Variants in CEP43 observed in about 807,000 individuals in gnomAD.
CEP43 encodes the protein centrosomal protein 43, also known as FGFR1 oncogene partner.
In CEP43, 36 loss-of-function variants were observed where a neutral mutation model predicts 52.6. That is an observed-to-expected ratio of 0.68 (90% confidence interval 0.52 to 0.90). The LOEUF (loss-of-function observed/expected upper bound fraction) is 0.90, where lower values mean the gene tolerates loss of function less well. CEP43 is among the 40% of genes least tolerant of loss of function. The pLI is 0.00. For synonymous variants in CEP43, 192 were observed against 172.4 expected, an observed-to-expected ratio of 1.11 and a Z score of -0.89; for missense variants, 506 against 472.8, an observed-to-expected ratio of 1.07 and a Z score of -0.65.
intron 10 of CEP43, among the ~76,000 whole-genome samples, chr6:167,029,022 T>A (rs1285565523): frequency 6.6e-6 from 1 of 152,222 alleles, no homozygotes; most frequent in Non-Finnish European, 1.5e-5. Context: ...AGTCTATATT[T>A]TAGGGTTTGT....
In CEP43 at chr6:167,049,967, C is replaced by T. The variant is rs1293896718; in HGVS notation, c.*9989C>T. ...TTGCATTTGGAGCATGTCTTATGTGCACTTAAAAATATTAATATCTATTCT... is the reference window on the plus strand; with the variant it reads ...TTGCATTTGGAGCATGTCTTATGTGTACTTAAAAATATTAATATCTATTCT... On this transcript the variant is annotated 3_prime_UTR_variant, in exon 13 of 13. Transcript: ENST00000366847. 6.6e-6 allele frequency: 1 copy of T among 152,132 alleles called. No individual in the cohort carries two copies. The highest frequency in any genetic ancestry group is 2.4e-5 in the African/African-American group (1 of 41,412). The allele number at this position is 152,132 out of a possible 1,614,324, so 9.4% of individuals were successfully genotyped here.
rs1318157346 is a variant in CEP43, at chr6:167,041,262, A to G, written c.*1284A>G. 12 of 1,048,250 alleles carry G rather than the reference A, an allele frequency of 1.1e-5. No individual in the cohort carries two copies. Among genetic ancestry groups the G allele is most frequent in the Non-Finnish European group, 1.4e-5 (12 of 868,712 alleles). The allele number at this position is 1,048,250 out of a possible 1,614,324, so 64.9% of individuals were successfully genotyped here. ...TTACAGAAATTACTCCTTGGGCTCT[A>G]AAATGTAGAGGAAATGAAAATGTAA... On this transcript the variant is annotated 3_prime_UTR_variant, in exon 13 of 13. Transcript: ENST00000366847.
At chr6:167,001,744 G>A (rs1779741042) in intron 2 of CEP43, among the ~76,000 whole-genome samples, 1 of 152,108 alleles carries the variant, frequency 6.6e-6, no homozygotes, top group Non-Finnish European at 1.5e-5. Flanking sequence ...TGTATCTGAA[G>A]TGTCCCCAAG....
rs1259108778 is a variant in CEP43, at chr6:167,042,993, G to C, written c.*3015G>C. 6.6e-6 allele frequency: 1 copy of C among 152,310 alleles called. No homozygotes were observed. The highest frequency in any genetic ancestry group is 6.5e-5 in the Admixed American group (1 of 15,270). The allele number at this position is 152,310 out of a possible 1,614,324, so 9.4% of individuals were successfully genotyped here. ...GGAGAATGTGGTTTCTGGCTAGGCAGCTGGAACAATCTACAAAATCTGAGG... is the reference window on the plus strand; with the variant it reads ...GGAGAATGTGGTTTCTGGCTAGGCACCTGGAACAATCTACAAAATCTGAGG... On this transcript the variant is annotated 3_prime_UTR_variant, in exon 13 of 13. Transcript: ENST00000366847.
At chr6:167,039,541 C>G (rs568703150) in intron 12 of CEP43, among the ~76,000 whole-genome samples, 3 of 152,146 alleles carry the variant, frequency 2.0e-5, no homozygotes, top group African/African-American at 7.2e-5. Context: ...TTTTGCAATT[C>G]GGAATTGTGC....
rs1780126283 is a variant in CEP43 at position 167,017,363 on chromosome 6, C to G, written c.579+3796C>G. 2.0e-5 allele frequency among the ~76,000 whole-genome samples: 3 copies of G among 152,174 alleles called. No individual in the cohort carries two copies. The East Asian group carries it at 5.8e-4, about 29-fold the overall frequency. On this transcript the variant is annotated intron_variant, in intron 7 of 12. Transcript: ENST00000366847. ...ATAGCATTACATTTATTAGGTATTA[C>G]AAGTAATCTAGAGATGATTCAAAGC...
intron 5 of CEP43, among the ~76,000 whole-genome samples, chr6:167,008,257 C>T (rs1779899703): frequency 6.6e-6 from 1 of 151,986 alleles, no homozygotes; most frequent in African/African-American, 2.4e-5. Context: ...TATACTCTTT[C>T]CCCTTCCCCA....
intron 12 of CEP43, among the ~76,000 whole-genome samples, chr6:167,037,434 G>A (rs1212233218): frequency 6.6e-6 from 1 of 152,186 alleles, no homozygotes; most frequent in East Asian, 1.9e-4. Context: ...GAAAATTACA[G>A]TTCCAAGGTA....
chr6:167,051,982 T>G lies in CEP43; in HGVS notation c.*12004T>G, dbSNP rs1044350700. ...AATTTTAATTTTTGTTTTCTATATGTCTCGTGTTTTTGTGGCTTTGCTTCT... is the reference window on the plus strand; with the variant it reads ...AATTTTAATTTTTGTTTTCTATATGGCTCGTGTTTTTGTGGCTTTGCTTCT... On this transcript the variant is annotated 3_prime_UTR_variant, in exon 13 of 13. Coordinates refer to ENST00000366847, the MANE Select transcript of CEP43 (RefSeq NM_007045.4). 4 of 152,178 alleles carry G rather than the reference T, an allele frequency of 2.6e-5. No individual in the cohort carries two copies. Among genetic ancestry groups the G allele is most frequent in the African/African-American group, 9.6e-5 (4 of 41,460 alleles). The allele number at this position is 152,178 out of a possible 1,614,324, so 9.4% of individuals were successfully genotyped here.
chr6:167,014,684 C>G (rs1056268496), intron 7 of CEP43, among the ~76,000 whole-genome samples: 1 of 152,094 alleles, frequency 6.6e-6, no homozygotes, highest in Non-Finnish European at 1.5e-5. Context: ...ACTGTATTCT[C>G]TTTCTGTTCA....
intron 10 of CEP43, among the ~76,000 whole-genome samples, chr6:167,029,747 G>A (rs1780427993): frequency 6.6e-6 from 1 of 152,236 alleles, no homozygotes. Flanking sequence ...CAACATGGCT[G>A]TTTATTTCAC....
Position 167,015,174 on chromosome 6 carries a change from C to G in CEP43, c.579+1607C>G, listed in dbSNP as rs138472226. 5.9e-5 allele frequency among the ~76,000 whole-genome samples: 9 copies of G among 152,294 alleles called. No homozygotes were observed. The South Asian group carries it at 8.3e-4, about 14-fold the overall frequency. On this transcript the variant is annotated intron_variant, in intron 7 of 12. Coordinates refer to ENST00000366847, the MANE Select transcript of CEP43 (RefSeq NM_007045.4). ...GAAGAATCTAGGTGGGCCCATATCC[C>G]AGGATTTAGTCCATAATTTGGGTCT...
intron 12 of CEP43, among the ~76,000 whole-genome samples, chr6:167,035,371 A>T (rs1780561679): frequency 6.6e-6 from 1 of 152,068 alleles, no homozygotes; most frequent in Admixed American, 6.5e-5. Context: ...CAATCTGGTC[A>T]CCTTTCAGCC....
chr6:166,999,582 C>A, intron 1 of CEP43, 68 bp downstream of exon 1: 4 of 1,184,156 alleles, frequency 3.4e-6, no homozygotes, highest in Non-Finnish European at 4.4e-6. Context: ...GGCGTCACAA[C>A]GGTCGCGGCG....
intron 5 of CEP43, among the ~76,000 whole-genome samples, chr6:167,006,650 T>C (rs1340545639): frequency 6.6e-6 from 1 of 152,260 alleles, no homozygotes; most frequent in Non-Finnish European, 1.5e-5. Context: ...TATGCAAATA[T>C]GTCATTTCAC....
rs61698763 is a variant in CEP43, at chr6:167,050,781, G to GAAAAAAAAAAAAA, written c.*10814_*10826dup. On this transcript the variant is annotated 3_prime_UTR_variant, in exon 13 of 13. Coordinates refer to ENST00000366847, the MANE Select transcript of CEP43 (RefSeq NM_007045.4). ...GGGTGACAGAGTGAGACTCAAAAAAGAAAAAAAAAAAAAAAAAAAAAAAGA... is the reference window on the plus strand; with the variant it reads ...GGGTGACAGAGTGAGACTCAAAAAAGAAAAAAAAAAAAAAAAAAAAAAAAAAAAAAAAAAAAGA... 3.2e-4 allele frequency: 31 copies of GAAAAAAAAAAAAA among 96,268 alleles called. No individual in the cohort carries two copies. The highest frequency in any genetic ancestry group is 4.9e-4 in the Admixed American group (4 of 8,156). The allele number at this position is 96,268 out of a possible 1,614,324, so 6.0% of individuals were successfully genotyped here.
At chr6:167,017,316 A>C (rs1435726135) in intron 7 of CEP43, among the ~76,000 whole-genome samples, 3 of 152,170 alleles carry the variant, frequency 2.0e-5, no homozygotes, top group African/African-American at 7.2e-5. Flanking sequence ...AAATTTTAAA[A>C]TAATGGTATA....
rs757175821 is a variant in CEP43, at chr6:167,022,444, T to A, written c.615T>A (p.Ser205Arg). 1.9e-6 allele frequency: 3 copies of A among 1,614,078 alleles called. No homozygotes were observed. Among genetic ancestry groups the A allele is most frequent in the South Asian group, 1.1e-5 (1 of 91,080 alleles). Residue 205 changes from serine (S) to arginine (R), a missense_variant, in exon 8 of 13, where the codon AGT (serine) becomes AGA (arginine). Ser to Arg is a moderately radical substitution (Grantham distance 110). Coordinates refer to ENST00000366847, the MANE Select transcript of CEP43 (RefSeq NM_007045.4). ...ANDEANQSDT[S>R]VSLSEPKSKS... ...ATGAGGCCAATCAGAGTGATACAAG[T>A]GTCTCCTTGTCAGAACCCAAGAGCA...
rs557529436 is a variant in CEP43, at chr6:167,014,967, T to TA, written c.579+1401dup. ...TTATAGTATTAAGCTTTTATAATCT[T>TA]ACTGCTATTGTGGGTTTCAAACAAC... On this transcript the variant is annotated intron_variant, in intron 7 of 12. Coordinates refer to ENST00000366847, the MANE Select transcript of CEP43 (RefSeq NM_007045.4). 1.8e-4 allele frequency among the ~76,000 whole-genome samples: 27 copies of TA among 152,364 alleles called. 1 individual carries two copies. In the East Asian group the frequency reaches 5.2e-3, roughly 29 times the overall value.
Sources: allele counts gnomAD v4.1 joint callset (sites outside exome capture counted in the v4.1 genomes callset), GRCh38; gene constraint gnomAD v4.1.1; transcripts MANE v1.5; gene names NCBI Gene and HGNC (gene_info 2026-07-23, HGNC 2026-07-21).